AGO2: variants seen among roughly 807,000 people sequenced by gnomAD.
AGO2 encodes the protein argonaute RISC catalytic component 2.
In AGO2, 5 loss-of-function variants were observed where a neutral mutation model predicts 102.3. That is an observed-to-expected ratio of 0.05 (90% CI 0.03 to 0.10). AGO2 has a LOEUF of 0.10. Among genes scored for constraint, AGO2 ranks in the 10% least tolerant of loss-of-function variants. AGO2 has a pLI of 1.00. For missense variants in AGO2, 541 were observed against 1,183.7 expected (o/e 0.46, Z 7.97); for synonymous variants, 449 against 473.1 (o/e 0.95, Z 0.66).
At chr8:140,598,986 C>T (rs2073889615) in intron 1 of AGO2, among the ~76,000 whole-genome samples, 1 of 152,236 alleles carries the variant, frequency 6.6e-6, no homozygotes. Flanking sequence ...CCAGCTCTCC[C>T]TCGAGGCTCC....
rs1263225082 is a variant in AGO2 at position 140,540,214 on chromosome 8, G to A, written c.2035-760C>T. ...GTCCTCCCAGGAGGCCATGGGTCTC[G>A]GGAACGAGCTCTGCTTCCGCTCTGG... On this transcript the variant is annotated intron_variant, in intron 15 of 18. Coordinates refer to ENST00000220592, the MANE Select transcript of AGO2 (RefSeq NM_012154.5). This position sits in a 1 kb window ranked among gnomAD's most constrained non-coding sequence, Gnocchi z 5.0. 3.3e-5 allele frequency among the ~76,000 whole-genome samples: 5 copies of A among 152,164 alleles called. No homozygotes were observed. The highest frequency in any genetic ancestry group is 7.3e-5 in the Non-Finnish European group (5 of 68,028).
intron 14 of AGO2, among the ~76,000 whole-genome samples, chr8:140,543,551 G>C (rs1204800404): frequency 6.6e-6 from 1 of 152,158 alleles, no homozygotes; most frequent in Non-Finnish European, 1.5e-5. Context: ...GACCTCCTGT[G>C]CTCTGGCAAT....
intron 1 of AGO2, among the ~76,000 whole-genome samples, chr8:140,612,096 G>A (rs1011111511): frequency 9.9e-5 from 15 of 151,814 alleles, no homozygotes; most frequent in African/African-American, 2.7e-4. Context: ...AGTGGCGGGC[G>A]CCTGTCGTCC....
chr8:140,573,513 T>G (rs1464819768), intron 2 of AGO2, among the ~76,000 whole-genome samples: 3 of 152,210 alleles, frequency 2.0e-5, no homozygotes, highest in East Asian at 1.9e-4. Flanking sequence ...TTGCAAGACC[T>G]GTGGCTCCTT....
intron 2 of AGO2, among the ~76,000 whole-genome samples, chr8:140,580,423 C>T (rs2073538855): frequency 1.3e-5 from 2 of 152,244 alleles, no homozygotes; most frequent in African/African-American, 2.4e-5. Flanking sequence ...ACTAAGACGC[C>T]ATCCTTGCTC....
chr8:140,588,792 C>T (rs549099525), intron 1 of AGO2, among the ~76,000 whole-genome samples: 4 of 152,148 alleles, frequency 2.6e-5, no homozygotes, highest in African/African-American at 9.6e-5. Flanking sequence ...GCTGGCGGGC[C>T]CTCTGCACTT....
chr8:140,547,538 G>A lies in AGO2; in HGVS notation c.1678C>T (p.Leu560=). Residue 560 remains leucine (L), a synonymous_variant, in exon 13 of 19, where the codon CTG becomes TTG. Transcript: ENST00000220592. The part of the protein sequence containing the change: ...KNVQRTTPQT[L]SNLCLKINVK... ...TTGATCTTCAGGCAGAGGTTGGACAGGGTCTGTGGCGTGGTCCTCTGCACG... is the reference window on the plus strand; with the variant it reads ...TTGATCTTCAGGCAGAGGTTGGACAAGGTCTGTGGCGTGGTCCTCTGCACG... The A allele has an allele frequency of 3.1e-6, 5 of 1,614,188 alleles. No individual in the cohort carries two copies. Among genetic ancestry groups the A allele is most frequent in the Non-Finnish European group, 3.4e-6 (4 of 1,180,012 alleles).
chr8:140,541,506 G>C, intron 14 of AGO2, 148 bp from the exon 15 acceptor site: 7 of 711,186 alleles, frequency 9.8e-6, no homozygotes, highest in Non-Finnish European at 1.3e-5. Flanking sequence ...GGCTGGGTGT[G>C]AACTCAGCCT....
intron 1 of AGO2, among the ~76,000 whole-genome samples, chr8:140,630,586 AG>A (rs1167903227): frequency 6.6e-6 from 1 of 152,244 alleles, no homozygotes; most frequent in East Asian, 1.9e-4. Context: ...TGAGGAGGAG[AG>A]AGCAACCACA....
intron 2 of AGO2, among the ~76,000 whole-genome samples, chr8:140,576,146 C>T (rs1221065401): frequency 6.6e-6 from 1 of 152,150 alleles, no homozygotes; most frequent in Non-Finnish European, 1.5e-5. Flanking sequence ...AACCCCGTCT[C>T]TACTAAAAAT....
chr8:140,548,689 C>T (rs574420095), intron 12 of AGO2, among the ~76,000 whole-genome samples: 1 of 152,358 alleles, frequency 6.6e-6, no homozygotes, highest in African/African-American at 2.4e-5. Context: ...GGGTGACCCC[C>T]TGGCATGGAC....
chr8:140,635,363 GC>G, intron 1 of AGO2, 121 bp downstream of exon 1: 1 of 611,194 alleles, frequency 1.6e-6, no homozygotes. Flanking sequence ...CCCGCCCCCG[GC>G]CCCCGCCGCC....
In AGO2 at chr8:140,589,341, T is replaced by C. The variant is rs1293108507; in HGVS notation, c.23-4030A>G. Among the ~76,000 whole-genome samples, 1 of 152,114 alleles carries C rather than the reference T, an allele frequency of 6.6e-6. No homozygotes were observed. The highest frequency in any genetic ancestry group is 2.4e-5 in the African/African-American group (1 of 41,432). On this transcript the variant is annotated intron_variant, in intron 1 of 18. Transcript: ENST00000220592. This position sits in a 1 kb window ranked among gnomAD's most constrained non-coding sequence, Gnocchi z 4.2. ...AGCCCAGCTCTTCCGTGAAGCCGCT[T>C]TGGCTACCGGCGGGTGAACCACAGG...
chr8:140,584,589 TTAAA>T (rs566269075), intron 2 of AGO2, among the ~76,000 whole-genome samples: 1 of 150,858 alleles, frequency 6.6e-6, no homozygotes, highest in African/African-American at 2.5e-5. Flanking sequence ...GCCCATGTGT[TTAAA>T]AGGAAGATGA....
Position 140,589,818 on chromosome 8 carries a change from C to A in AGO2, c.23-4507G>T, listed in dbSNP as rs1308293350. 6.6e-6 allele frequency among the ~76,000 whole-genome samples: 1 copy of A among 151,882 alleles called. No individual in the cohort carries two copies. Among genetic ancestry groups the A allele is most frequent in the Non-Finnish European group, 1.5e-5 (1 of 68,010 alleles). Reference sequence around the variant, plus strand: ...CATCAGCACGAGCCGCAGAACAGGACGGAGTGATGGCTCAGTGAGTACAGA... The same window carrying A: ...CATCAGCACGAGCCGCAGAACAGGAAGGAGTGATGGCTCAGTGAGTACAGA... On this transcript the variant is annotated intron_variant, in intron 1 of 18. Transcript: ENST00000220592. This position sits in a 1 kb window ranked among gnomAD's most constrained non-coding sequence, Gnocchi z 4.2.
intron 1 of AGO2, among the ~76,000 whole-genome samples, chr8:140,606,973 G>A (rs531460686): frequency 5.9e-5 from 9 of 151,426 alleles, no homozygotes; most frequent in African/African-American, 2.2e-4. Flanking sequence ...TTTAAGGCCA[G>A]GCATGGTGGC....
intron 1 of AGO2, among the ~76,000 whole-genome samples, chr8:140,626,207 TG>T (rs1309734561): frequency 6.6e-6 from 1 of 152,188 alleles, no homozygotes; most frequent in African/African-American, 2.4e-5. Flanking sequence ...CCGGCGCACC[TG>T]GGTCTGTATA....
chr8:140,636,346 G>C (rs1313001228), upstream of AGO2: 7 of 152,286 alleles, frequency 4.6e-5, no homozygotes, highest in African/African-American at 1.7e-4. Context: ...CCAGCAGTCA[G>C]GGGCCTGCTC....
At chr8:140,544,593 G>C (rs930223417) in intron 13 of AGO2, among the ~76,000 whole-genome samples, 4 of 150,694 alleles carry the variant, frequency 2.7e-5, no homozygotes, top group Non-Finnish European at 5.9e-5. Flanking sequence ...AGGCCCAGGA[G>C]GGCTCACCCT....
Sources: allele counts gnomAD v4.1 joint callset (sites outside exome capture counted in the v4.1 genomes callset), GRCh38; gene constraint gnomAD v4.1.1; non-coding constraint Gnocchi (gnomAD v3.1); transcripts MANE v1.5; gene names NCBI Gene and HGNC (gene_info 2026-07-23, HGNC 2026-07-21).